ARFGEF1: variants seen among roughly 807,000 people sequenced by gnomAD.
The protein encoded by ARFGEF1 is ARF guanine nucleotide exchange factor 1.
ARFGEF1 carries 42 observed loss-of-function variants against 231.0 expected under a neutral mutation model. The observed-to-expected ratio is 0.18, with a 90% CI of 0.14 to 0.24. ARFGEF1 has a LOEUF of 0.24. Among genes scored for constraint, ARFGEF1 ranks in the 10% least tolerant of loss-of-function variants. ARFGEF1 has a pLI of 1.00. For missense variants in ARFGEF1, 1,345 were observed against 2,192.0 expected (o/e 0.61, Z 7.72); for synonymous variants, 710 against 732.3 (o/e 0.97, Z 0.49).
At chr8:67,281,207 T>G (rs1476427894) in intron 7 of ARFGEF1, among the ~76,000 whole-genome samples, 1 of 152,040 alleles carries the variant, frequency 6.6e-6, no homozygotes. Context: ...TAGAGAAGAC[T>G]GCAATAGCAA....
intron 5 of ARFGEF1, among the ~76,000 whole-genome samples, chr8:67,192,516 C>T (rs1211481246): frequency 2.0e-5 from 3 of 152,030 alleles, no homozygotes; most frequent in Non-Finnish European, 4.4e-5. Flanking sequence ...TGATGGTGTT[C>T]TTTGAAGCAC....
At chr8:67,295,492 C>T (rs1806193206) in intron 5 of ARFGEF1, among the ~76,000 whole-genome samples, 1 of 152,124 alleles carries the variant, frequency 6.6e-6, no homozygotes, top group African/African-American at 2.4e-5. Flanking sequence ...AAAAAATGCA[C>T]AACCTCATTC....
At position 67,277,387 on chromosome 8, in the gene ARFGEF1, G is replaced by A. The variant is rs763982082; in HGVS notation, c.1098C>T (p.Asp366=). Residue 366 remains aspartate, a synonymous_variant, in exon 8 of 39, where the codon GAC becomes GAT. Transcript: ENST00000262215. ...TTCCATTTGCTTGAATATTTTCACT[G>A]TCACTACCATCCTCTATAGTTCCAA... ...GNIGTIEDGS[D]SENIQANGIP... 15 of 1,613,606 alleles carry A rather than the reference G, an allele frequency of 9.3e-6. No homozygotes were observed. Among genetic ancestry groups the A allele is most frequent in the Non-Finnish European group, 1.2e-5 (14 of 1,179,810 alleles).
chr8:67,246,154 A>G (rs1260581766), intron 19 of ARFGEF1, among the ~76,000 whole-genome samples: 1 of 150,416 alleles, frequency 6.6e-6, no homozygotes, highest in Non-Finnish European at 1.5e-5. Flanking sequence ...GACAGACCCC[A>G]ATACAGTAAC....
chr8:67,331,550 TTC>T (rs1202024286), intron 1 of ARFGEF1, among the ~76,000 whole-genome samples: 2 of 152,228 alleles, frequency 1.3e-5, no homozygotes, highest in Non-Finnish European at 2.9e-5. Context: ...AGAAATAAAT[TTC>T]TGTTGTCCAT....
intron 5 of ARFGEF1, among the ~76,000 whole-genome samples, chr8:67,293,561 C>T (rs1806102737): frequency 6.6e-6 from 1 of 152,124 alleles, no homozygotes; most frequent in Non-Finnish European, 1.5e-5. Context: ...TCCTAAAGTA[C>T]TATCATCTAT....
At chr8:67,257,185 A>C (rs1840484870) in intron 17 of ARFGEF1, among the ~76,000 whole-genome samples, 1 of 152,062 alleles carries the variant, frequency 6.6e-6, no homozygotes, top group African/African-American at 2.4e-5. Context: ...GGCTCAAGCG[A>C]TCGTCCCACC....
chr8:67,339,809 CTTTCT>C (rs1808536008), intron 1 of ARFGEF1, among the ~76,000 whole-genome samples: 2 of 38,224 alleles, frequency 5.2e-5, no homozygotes, highest in South Asian at 8.0e-4. Flanking sequence ...GGGGGGGATT[CTTTCT>C]TTTTTAACCA....
At chr8:67,213,825 C>T (rs1266849265) in intron 33 of ARFGEF1, among the ~76,000 whole-genome samples, 6 of 152,226 alleles carry the variant, frequency 3.9e-5, no homozygotes, top group Non-Finnish European at 1.5e-5. Context: ...GCTTTCCAGC[C>T]TGCCTGCCTG....
chr8:67,192,067 T>G (rs113234901), intron 5 of ARFGEF1, among the ~76,000 whole-genome samples: 7,171 of 119,908 alleles, frequency 0.06, 252 homozygotes, highest in Non-Finnish European at 0.081. Flanking sequence ...TGCTGATTTG[T>G]TTTTTTTTTT....
chr8:67,196,535 A>C (rs1281353959), downstream of ARFGEF1, among the ~76,000 whole-genome samples: 2 of 152,220 alleles, frequency 1.3e-5, no homozygotes, highest in Non-Finnish European at 2.9e-5. Flanking sequence ...TCTCTCTCTA[A>C]TAATACTTCC....
At chr8:67,258,427 C>T (rs553114916) in intron 15 of ARFGEF1, 137 bp from the exon 16 acceptor site, 21 of 605,162 alleles carry the variant, frequency 3.5e-5, no homozygotes, top group Non-Finnish European at 5.3e-5. Flanking sequence ...CAGGTTCAAG[C>T]GATTCTCCTG....
chr8:67,199,816 T>G (rs569476962), intron 38 of ARFGEF1: 1 of 167,046 alleles, frequency 6.0e-6, no homozygotes, highest in South Asian at 1.5e-4. Context: ...GAGCTGTAAG[T>G]TGCTATTTTT....
intron 5 of ARFGEF1, among the ~76,000 whole-genome samples, chr8:67,293,231 C>A (rs932908066): frequency 7.9e-5 from 12 of 152,026 alleles, no homozygotes; most frequent in African/African-American, 2.7e-4. Context: ...ATGTTCATAG[C>A]CTTTATCATA....
chr8:67,258,800 A>T (rs1371500501), intron 15 of ARFGEF1, among the ~76,000 whole-genome samples: 1 of 146,962 alleles, frequency 6.8e-6, no homozygotes, highest in Non-Finnish European at 1.5e-5. Context: ...CAGTTTAGAA[A>T]ATTTAAAAAG....
At chr8:67,209,850 C>T (rs1838659126) in intron 34 of ARFGEF1, among the ~76,000 whole-genome samples, 1 of 151,930 alleles carries the variant, frequency 6.6e-6, no homozygotes, top group Admixed American at 6.6e-5. Context: ...AAGGGTTGCT[C>T]CTTAAAAAGT....
At chr8:67,277,706 CA>C (rs1294315925) in intron 7 of ARFGEF1, among the ~76,000 whole-genome samples, 1 of 152,008 alleles carries the variant, frequency 6.6e-6, no homozygotes, top group Non-Finnish European at 1.5e-5. Flanking sequence ...CAGGATGTGC[CA>C]AAACAGAAGC....
chr8:67,252,135 G>A (rs1343930099), intron 18 of ARFGEF1, among the ~76,000 whole-genome samples: 1 of 152,024 alleles, frequency 6.6e-6, no homozygotes, highest in Non-Finnish European at 1.5e-5. Flanking sequence ...AGTCAGGTGT[G>A]GTGGCGCACG....
rs763622896 is a variant in ARFGEF1 at position 67,227,094 on chromosome 8, T to A, written c.3916+43A>T. 1.4e-5 allele frequency: 21 copies of A among 1,541,310 alleles called. No homozygotes were observed. The East Asian group carries it at 4.7e-4, about 35-fold the overall frequency. ...TCTTCTGAACACGTTAAGGTTGCTT[T>A]TTTTTTTTCCTTTTACTTGAACACA... is the stretch of plus-strand genomic sequence containing the variant. On this transcript the variant is annotated intron_variant, in intron 27 of 38. Transcript: ENST00000262215.
Sources: gnomAD v4.1 joint callset for allele counts (sites outside exome capture counted in the v4.1 genomes callset) on GRCh38, gnomAD v4.1.1 for gene constraint, MANE v1.5 for transcripts, NCBI Gene and HGNC (gene_info 2026-07-23, HGNC 2026-07-21) for gene names.